Variants in ISLR2 observed in about 807,000 individuals in gnomAD.
ISLR2 encodes immunoglobulin superfamily containing leucine-rich repeat protein 2.
Under a neutral mutation model 25.5 loss-of-function variants are expected in ISLR2, and 16 were observed. The observed-to-expected ratio is 0.63, with a 90% CI of 0.43 to 0.95. ISLR2 has a LOEUF of 0.95. ISLR2 is among the 40% of genes least tolerant of loss of function. The probability of loss-of-function intolerance (pLI) is 0.00; values close to 1 mark genes in which losing one functional copy is unlikely to be tolerated. For synonymous variants in ISLR2, 508 were observed against 486.6 expected (o/e 1.04, Z -0.58); for missense variants, 883 against 1,030.7 (o/e 0.86, Z 1.96).
Position 74,132,920 on chromosome 15 carries a change from C to A in ISLR2, c.166C>A (p.Leu56Ile). The A allele has an allele frequency of 6.2e-7, 1 of 1,614,096 alleles. No homozygotes were observed. Among genetic ancestry groups the A allele is most frequent in the African/African-American group, 1.3e-5 (1 of 75,072 alleles). Residue 56 changes from leucine (L) to isoleucine (I), a missense_variant, in exon 3 of 3, where the codon CTT becomes ATT. Around this residue, in one of 2 missense-constraint regions of ISLR2, gnomAD observed 271 missense variants for 387.9 expected, o/e 0.70. Coordinates refer to ENST00000453268, the MANE Select transcript of ISLR2 (RefSeq NM_020851.3). This position sits in a 1 kb window ranked among gnomAD's most constrained non-coding sequence, Gnocchi z 4.3. ...PEGLPANVTT[L>I]SLSANKITVL... ...AGGACTGCCTGCCAACGTGACGACGCTTAGTCTGTCCGCGAACAAGATCAC... is the reference window on the plus strand; with the variant it reads ...AGGACTGCCTGCCAACGTGACGACGATTAGTCTGTCCGCGAACAAGATCAC...
At chr15:74,117,169 C>G (rs545850083) in intron 2 of ISLR2, among the ~76,000 whole-genome samples, 108 of 152,266 alleles carry the variant, frequency 7.1e-4, no homozygotes, top group Admixed American at 1.5e-3. Context: ...GCTACAGTTA[C>G]TTTCATCAAT....
chr15:74,140,817 C>T (rs2072607216), downstream of ISLR2, among the ~76,000 whole-genome samples: 1 of 152,228 alleles, frequency 6.6e-6, no homozygotes. Flanking sequence ...TAGCCACCCA[C>T]ACCTATCTGT....
At position 74,133,233 on chromosome 15, in the gene ISLR2, G is replaced by T; in HGVS notation, c.479G>T (p.Arg160Leu). Reference protein sequence around the residue: ...RSLRINNNRLRTLAPGTFDAL... With the variant: ...RSLRINNNRLLTLAPGTFDAL... The stretch of plus-strand genomic sequence containing the variant: ...CTGCGCATCAACAACAACCGGCTGC[G>T]TACGCTGGCGCCTGGCACCTTCGAC... Residue 160 changes from arginine to leucine, a missense_variant, in exon 3 of 3, where the codon CGT becomes CTT. Arg to Leu is a moderately radical substitution (Grantham distance 102). Around this residue, in one of 2 missense-constraint regions of ISLR2, gnomAD observed 271 missense variants for 387.9 expected, o/e 0.70. Coordinates refer to ENST00000453268, the MANE Select transcript of ISLR2 (RefSeq NM_020851.3). 1.2e-6 allele frequency: 2 copies of T among 1,612,528 alleles called. No homozygotes were observed. The highest frequency in any genetic ancestry group is 8.5e-7 in the Non-Finnish European group (1 of 1,180,002).
At chr15:74,111,737 A>G (rs1275634340) in intron 2 of ISLR2, among the ~76,000 whole-genome samples, 1 of 152,164 alleles carries the variant, frequency 6.6e-6, no homozygotes, top group Non-Finnish European at 1.5e-5. Context: ...TGCCTGGCTA[A>G]TTTTTCCATT....
intron 2 of ISLR2, among the ~76,000 whole-genome samples, chr15:74,117,525 T>A (rs1309318442): frequency 8.6e-5 from 13 of 150,330 alleles, no homozygotes; most frequent in African/African-American, 2.9e-4. Flanking sequence ...CACTAAAAAT[T>A]AAAAAAAAAT....
chr15:74,114,733 T>C (rs1426178595), intron 2 of ISLR2, among the ~76,000 whole-genome samples: 2 of 152,054 alleles, frequency 1.3e-5, no homozygotes, highest in African/African-American at 4.8e-5. Flanking sequence ...GAACAACATA[T>C]ATAAAACAAT....
chr15:74,126,277 A>G (rs980273134), upstream of ISLR2: 1 of 151,920 alleles, frequency 6.6e-6, no homozygotes, highest in Non-Finnish European at 1.5e-5. Flanking sequence ...ACTGAGCACT[A>G]AGTGTCAGGT....
chr15:74,133,718 G>T lies in ISLR2; in HGVS notation c.964G>T (p.Ala322Ser), dbSNP rs1159741869. The change falls in exon 3 of 3, where the codon GCT (alanine) becomes TCT (serine). Residue 322 changes from alanine to serine, a missense_variant. Coordinates refer to ENST00000453268, the MANE Select transcript of ISLR2 (RefSeq NM_020851.3). ...AGCCCAAACGCCGACTCCAGCACCC[G>T]CTTGGCCGGCGCCCCCAGCCACACC... Reference protein sequence around the residue: ...TQAQTPTPAPAWPAPPATPRF... With the variant: ...TQAQTPTPAPSWPAPPATPRF... 4.4e-6 allele frequency: 7 copies of T among 1,608,758 alleles called. No individual in the cohort carries two copies. The highest frequency in any genetic ancestry group is 5.9e-6 in the Non-Finnish European group (7 of 1,177,646).
chr15:74,139,863 A>AGTGTGTGT (rs10579764), downstream of ISLR2, among the ~76,000 whole-genome samples: 196 of 128,112 alleles, frequency 1.5e-3, no homozygotes, highest in African/African-American at 4.9e-3. Flanking sequence ...CGGCTTGAGG[A>AGTGTGTGT]GTGTGTGTGT....
intron 2 of ISLR2, among the ~76,000 whole-genome samples, chr15:74,122,266 G>A (rs2072258946): frequency 6.6e-6 from 1 of 152,244 alleles, no homozygotes; most frequent in African/African-American, 2.4e-5. Context: ...CTCTGATGCT[G>A]GGTGACTCTC....
Position 74,134,440 on chromosome 15 carries a change from C to A in ISLR2, c.1686C>A (p.Thr562=). The part of the protein sequence containing the change: ...AYWFRGLRPG[T]NYSVCLALAG... ...GGTTCCGCGGCCTGCGGCCGGGTACCAACTACTCCGTGTGCCTGGCGCTGG... is the reference window on the plus strand; with the variant it reads ...GGTTCCGCGGCCTGCGGCCGGGTACAAACTACTCCGTGTGCCTGGCGCTGG... Residue 562 remains threonine, a synonymous_variant, in exon 3 of 3, where the codon ACC becomes ACA. Transcript: ENST00000453268. 2 of 1,612,606 alleles carry A rather than the reference C, an allele frequency of 1.2e-6. No individual in the cohort carries two copies. The highest frequency in any genetic ancestry group is 1.7e-6 in the Non-Finnish European group (2 of 1,179,864).
In ISLR2 at chr15:74,132,390, C is replaced by T. The variant is rs1224893851; in HGVS notation, c.-8-357C>T. Among the ~76,000 whole-genome samples the T allele has an allele frequency of 6.6e-6, 1 of 152,114 alleles. No homozygotes were observed. The highest frequency in any genetic ancestry group is 1.5e-5 in the Non-Finnish European group (1 of 68,020). On this transcript the variant is annotated intron_variant, in intron 2 of 2. Transcript: ENST00000453268. The surrounding 1 kb of genome is among the most constrained non-coding windows in gnomAD (Gnocchi z 4.3). ...TCCTTCTTGGGTAGGATCCATTTCA[C>T]CAGGTTAAACGAAGGCTTAGAAACA...
intron 1 of ISLR2, 68 bp from the exon 2 acceptor site, chr15:74,131,139 T>C (rs2072406713): frequency 6.5e-6 from 1 of 152,702 alleles, no homozygotes; most frequent in Non-Finnish European, 1.5e-5. Flanking sequence ...AAGTGGTACT[T>C]TGGGGCCACC....
Position 74,136,328 on chromosome 15 carries a change from G to T in ISLR2, c.*1336G>T. ...CTCCCGGGCCGCGGCTCTCTGGAGG[G>T]CTCGCGCCCTAGTTCGCACAAAGCC... On this transcript the variant is annotated 3_prime_UTR_variant, in exon 3 of 3. Coordinates refer to ENST00000453268, the MANE Select transcript of ISLR2 (RefSeq NM_020851.3). 6.1e-6 allele frequency: 1 copy of T among 164,846 alleles called. No individual in the cohort carries two copies. 10.2% of individuals were successfully genotyped at this position (164,846 alleles called of 1,614,324 possible). A position where few individuals can be genotyped will look rare whatever the true frequency, so the allele number is the denominator to read the frequency against.
chr15:74,123,990 A>G (rs776536947), upstream of ISLR2, among the ~76,000 whole-genome samples: 3 of 152,032 alleles, frequency 2.0e-5, no homozygotes, highest in Non-Finnish European at 4.4e-5. Flanking sequence ...ATAAATAAGT[A>G]TAAAAATAAA....
chr15:74,107,490 G>C (rs944374778), intron 2 of ISLR2, among the ~76,000 whole-genome samples: 2 of 152,144 alleles, frequency 1.3e-5, no homozygotes, highest in Non-Finnish European at 1.5e-5. Context: ...CCCCCAGCCA[G>C]AGGGCAGGGG....
At position 74,134,898 on chromosome 15, in the gene ISLR2, C is replaced by G; in HGVS notation, c.2144C>G (p.Ala715Gly). 1.2e-6 allele frequency: 2 copies of G among 1,614,126 alleles called. No individual in the cohort carries two copies. Among genetic ancestry groups the G allele is most frequent in the Non-Finnish European group, 1.7e-6 (2 of 1,180,020 alleles). ...QSKANQEEFE[A>G]GSEYSDRLPL... ...AAGGCCAACCAAGAGGAGTTCGAGG[C>G]GGGCTCTGAGTACAGCGATCGGCTG... is the stretch of plus-strand genomic sequence containing the variant. Residue 715 changes from alanine to glycine, a missense_variant, in exon 3 of 3, where the codon GCG becomes GGG. Ala to Gly is a moderately conservative substitution (Grantham distance 60, BLOSUM62 0). Transcript: ENST00000453268.
chr15:74,106,977 A>C (rs1199523338), intron 2 of ISLR2, among the ~76,000 whole-genome samples: 1 of 152,022 alleles, frequency 6.6e-6, no homozygotes, highest in Non-Finnish European at 1.5e-5. Flanking sequence ...GACCTTGGTG[A>C]GGGTGTTGGG....
chr15:74,117,947 G>A (rs529489296), intron 2 of ISLR2, among the ~76,000 whole-genome samples: 10 of 152,242 alleles, frequency 6.6e-5, no homozygotes, highest in East Asian at 1.9e-4. Context: ...TCCTCTTATC[G>A]ATCCCGGCCT....
Sources: allele counts gnomAD v4.1 joint callset (sites outside exome capture counted in the v4.1 genomes callset), GRCh38; gene constraint gnomAD v4.1.1; regional missense constraint gnomAD v4.1.1; non-coding constraint Gnocchi (gnomAD v3.1); transcripts MANE v1.5; gene names NCBI Gene and HGNC (gene_info 2026-07-23, HGNC 2026-07-21).